Variants in URI1 observed in about 807,000 individuals in gnomAD.
The protein encoded by URI1 is URI1 prefoldin like chaperone, also known as unconventional prefoldin RPB5 interactor 1.
A neutral mutation model predicts 60.2 loss-of-function variants in URI1; 39 were observed. The ratio of observed to expected loss-of-function variants is 0.65; its 90% CI spans 0.50 to 0.85. The LOEUF is 0.85. Among genes scored for constraint, URI1 ranks in the 40% least tolerant of loss-of-function variants. URI1 has a pLI of 0.00. For missense variants in URI1, 691 were observed against 665.9 expected, an observed-to-expected ratio of 1.04 and a Z score of -0.42; for synonymous variants, 251 against 236.8, an observed-to-expected ratio of 1.06 and a Z score of -0.55.
chr19:29,978,319 G>A (rs1172724960), intron 2 of URI1, among the ~76,000 whole-genome samples: 1 of 152,100 alleles, frequency 6.6e-6, no homozygotes, highest in Non-Finnish European at 1.5e-5. Context: ...TGATGACGAC[G>A]TGTTTCCAGT....
chr19:29,962,274 T>C (rs1442125009), intron 1 of URI1, among the ~76,000 whole-genome samples: 1 of 151,816 alleles, frequency 6.6e-6, no homozygotes, highest in East Asian at 1.9e-4. Flanking sequence ...TTTTTTTTTT[T>C]CCTTCCTTTG....
chr19:29,980,845 C>G, intron 2 of URI1, among the ~76,000 whole-genome samples: 1 of 149,192 alleles, frequency 6.7e-6, no homozygotes, highest in East Asian at 2.0e-4. Flanking sequence ...TCGCTTGAAC[C>G]TGGGAGGTGG....
chr19:29,983,741 C>G (rs1231642585), intron 2 of URI1, among the ~76,000 whole-genome samples: 1 of 152,142 alleles, frequency 6.6e-6, no homozygotes, highest in Non-Finnish European at 1.5e-5. Context: ...AGGCTGCTGC[C>G]TGGTATTACT....
intron 10 of URI1, chr19:30,014,229 T>C (rs2056058028): frequency 1.3e-5 from 2 of 152,204 alleles, no homozygotes; most frequent in South Asian, 2.1e-4. Flanking sequence ...CCAGGTGAAA[T>C]TGAGTCATTT....
chr19:29,981,329 C>G (rs2055594987), intron 2 of URI1, among the ~76,000 whole-genome samples: 1 of 152,140 alleles, frequency 6.6e-6, no homozygotes, highest in South Asian at 2.1e-4. Flanking sequence ...CCCCTAAATA[C>G]TTGAGCATAT....
chr19:30,015,480 A>G lies in URI1; in HGVS notation c.*411A>G. 1 of 1,523,862 alleles carries G rather than the reference A, an allele frequency of 6.6e-7. No individual in the cohort carries two copies. Among genetic ancestry groups the G allele is most frequent in the East Asian group, 2.5e-5 (1 of 40,804 alleles). The allele number at this position is 1,523,862 out of a possible 1,614,324, so 94.4% of individuals were successfully genotyped here. A position where few individuals can be genotyped will look rare whatever the true frequency, so the allele number is the denominator to read the frequency against. On this transcript the variant is annotated 3_prime_UTR_variant, in exon 11 of 11. Transcript: ENST00000392271. ...AAAATTTCAAATAGATTCAACAATT[A>G]CATTACTTGCTTTCACATTTTAAAG... is the stretch of plus-strand genomic sequence containing the variant.
chr19:29,976,932 T>G (rs1397422708), intron 2 of URI1, among the ~76,000 whole-genome samples: 1 of 152,204 alleles, frequency 6.6e-6, no homozygotes, highest in Non-Finnish European at 1.5e-5. Flanking sequence ...TAAAACACTT[T>G]GGCATGTGAG....
intron 1 of URI1, among the ~76,000 whole-genome samples, chr19:29,924,723 C>T (rs2054850977): frequency 6.6e-6 from 1 of 152,224 alleles, no homozygotes; most frequent in South Asian, 2.1e-4. Context: ...ACTGACCAGA[C>T]CATGCCCCTG....
chr19:29,960,232 T>G (rs1473680885), intron 1 of URI1, among the ~76,000 whole-genome samples: 2 of 152,126 alleles, frequency 1.3e-5, no homozygotes, highest in Non-Finnish European at 2.9e-5. Flanking sequence ...TTTCATAATT[T>G]ACTTGGAAAA....
Position 30,007,635 on chromosome 19 carries a change from A to G in URI1, c.683A>G (p.Asp228Gly). 1 of 1,602,184 alleles carries G rather than the reference A, an allele frequency of 6.2e-7. No homozygotes were observed. Reference sequence around the variant, plus strand: ...CAGGAAGAATTGCTGGGTGAACTTGATAGGTACTTGATGACAAATTATCTT... The same window carrying G: ...CAGGAAGAATTGCTGGGTGAACTTGGTAGGTACTTGATGACAAATTATCTT... ...ERQEELLGEL[D>G]SKPDTVIANG... The change falls in exon 7 of 11, where the codon GAT becomes GGT. Residue 228 changes from aspartate (D) to glycine (G), a missense_variant. By Grantham distance (94) the Asp-to-Gly change is moderately conservative (BLOSUM62 -1). Coordinates refer to ENST00000392271, the MANE Select transcript of URI1 (RefSeq NM_003796.3).
chr19:30,015,731 A>G lies in URI1; in HGVS notation c.*662A>G. The G allele has an allele frequency of 2.7e-6, 2 of 727,394 alleles. No individual in the cohort carries two copies. Among genetic ancestry groups the G allele is most frequent in the Non-Finnish European group, 4.4e-6 (2 of 451,164 alleles). The allele number at this position is 727,394 out of a possible 1,614,324, so 45.1% of individuals were successfully genotyped here. ...AAAATGTTGTGAACTTTATGATTCA[A>G]AATTGAGTACAGATATGTCCTTGAT... On this transcript the variant is annotated 3_prime_UTR_variant, in exon 11 of 11. Coordinates refer to ENST00000392271, the MANE Select transcript of URI1 (RefSeq NM_003796.3).
chr19:30,014,845 T>C (rs769802166), intron 10 of URI1, 42 bp from the exon 11 acceptor site: 2 of 1,551,758 alleles, frequency 1.3e-6, no homozygotes, highest in Non-Finnish European at 8.7e-7. Flanking sequence ...TGTGGGTGTC[T>C]TATTTGCATT....
At position 29,935,963 on chromosome 19, in the gene URI1, T is replaced by G. The variant is rs1235973535; in HGVS notation, c.63+12209T>G. 2.0e-5 allele frequency among the ~76,000 whole-genome samples: 3 copies of G among 152,044 alleles called. No individual in the cohort carries two copies. The East Asian group carries it at 5.8e-4, about 29-fold the overall frequency. On this transcript the variant is annotated intron_variant, in intron 1 of 10. Transcript: ENST00000360605. Reference sequence around the variant, plus strand: ...CACCACGCCTGGCTAGTTTTTTGTATTTTTAGTAGAGACAGGGTTTCACTA... The same window carrying G: ...CACCACGCCTGGCTAGTTTTTTGTAGTTTTAGTAGAGACAGGGTTTCACTA...
intron 2 of URI1, 77 bp downstream of exon 2, chr19:29,971,304 T>C: frequency 7.0e-7 from 1 of 1,438,486 alleles, no homozygotes; most frequent in Admixed American, 1.7e-5. Context: ...ATGTGTTTAC[T>C]GTTTGCGTGT....
intron 1 of URI1, among the ~76,000 whole-genome samples, chr19:29,933,124 T>C (rs949235319): frequency 5.9e-5 from 9 of 152,236 alleles, no homozygotes; most frequent in Non-Finnish European, 8.8e-5. Flanking sequence ...TTTCTCTCAG[T>C]GTCTTTGTCT....
At chr19:29,952,377 A>T (rs1163662270) in intron 1 of URI1, among the ~76,000 whole-genome samples, 1 of 152,226 alleles carries the variant, frequency 6.6e-6, no homozygotes, top group East Asian at 1.9e-4. Flanking sequence ...ACTGGATGGG[A>T]ATATCCTATT....
intron 10 of URI1, 168 bp downstream of exon 10, chr19:30,012,699 A>T: frequency 1.2e-6 from 1 of 815,236 alleles, no homozygotes; most frequent in East Asian, 3.1e-5. Flanking sequence ...TGTGATAATC[A>T]AATAGTTTAT....
intron 1 of URI1, among the ~76,000 whole-genome samples, chr19:29,964,935 T>C (rs1390004472): frequency 1.3e-5 from 2 of 151,772 alleles, no homozygotes; most frequent in African/African-American, 4.8e-5. Flanking sequence ...AGGCACATTC[T>C]CCTCCTAACC....
At chr19:29,932,973 T>G (rs1568401975) in intron 1 of URI1, among the ~76,000 whole-genome samples, 3 of 152,182 alleles carry the variant, frequency 2.0e-5, no homozygotes, top group African/African-American at 7.2e-5. Context: ...TATTTTTATA[T>G]GGTGAATCAC....
Sources: gnomAD v4.1 joint callset for allele counts (sites outside exome capture counted in the v4.1 genomes callset) on GRCh38, gnomAD v4.1.1 for gene constraint, MANE v1.5 for transcripts, NCBI Gene and HGNC (gene_info 2026-07-23, HGNC 2026-07-21) for gene names.